MAP3K14: variants seen among roughly 807,000 people sequenced by gnomAD.
The protein encoded by MAP3K14 is mitogen-activated protein kinase kinase kinase 14.
In MAP3K14, 16 loss-of-function variants were observed where a neutral mutation model predicts 99.2. The observed-to-expected ratio is 0.16, with a 90% CI of 0.11 to 0.24. The LOEUF (loss-of-function observed/expected upper bound fraction) is 0.24. Ranked by LOEUF, MAP3K14 falls within the 10% of genes least tolerant of loss-of-function variation. The pLI is 1.00. For missense variants in MAP3K14, 784 were observed against 1,208.7 expected, an observed-to-expected ratio of 0.65 and a Z score of 5.21; for synonymous variants, 462 against 492.4, an observed-to-expected ratio of 0.94 and a Z score of 0.82.
chr17:45,310,267 C>T (rs1335185471), intron 1 of MAP3K14, among the ~76,000 whole-genome samples: 1 of 151,996 alleles, frequency 6.6e-6, no homozygotes, highest in Non-Finnish European at 1.5e-5. Flanking sequence ...ATCTCTTGAC[C>T]TTGTGATCCG....
chr17:45,284,563 C>T (rs1466054158), intron 6 of MAP3K14, among the ~76,000 whole-genome samples: 1 of 152,214 alleles, frequency 6.6e-6, no homozygotes, highest in Admixed American at 6.5e-5. Flanking sequence ...ATTGAGACAC[C>T]GAGGCCACGT....
intron 11 of MAP3K14, among the ~76,000 whole-genome samples, chr17:45,269,993 G>A (rs2044129694): frequency 6.6e-6 from 1 of 152,086 alleles, no homozygotes; most frequent in African/African-American, 2.4e-5. Context: ...CTTGGGGATC[G>A]AGCCCTCCTG....
chr17:45,284,755 C>T, intron 6 of MAP3K14, 57 bp downstream of exon 6: 1 of 1,524,532 alleles, frequency 6.6e-7, no homozygotes, highest in African/African-American at 1.4e-5. Context: ...GCAGAGGGAA[C>T]ACACCAGGCC....
chr17:45,289,338 A>T (rs1348249122), intron 2 of MAP3K14, 33 bp from the exon 3 acceptor site: 2 of 1,573,202 alleles, frequency 1.3e-6, no homozygotes, highest in African/African-American at 2.7e-5. Flanking sequence ...AGCAGAGAGG[A>T]GAAAAAATAG....
chr17:45,283,665 A>AAC (rs1409523968), intron 6 of MAP3K14, among the ~76,000 whole-genome samples: 1 of 152,150 alleles, frequency 6.6e-6, no homozygotes, highest in Non-Finnish European at 1.5e-5. Context: ...TGGTGCTCCA[A>AAC]AAGTTTTGGA....
At chr17:45,273,737 T>A in intron 8 of MAP3K14, 130 bp from the exon 9 acceptor site, 1 of 739,186 alleles carries the variant, frequency 1.4e-6, no homozygotes, top group Non-Finnish European at 2.4e-6. Context: ...CTGCTGCTTC[T>A]GATTAGTTTC....
chr17:45,283,195 C>T (rs1023522499), intron 6 of MAP3K14, among the ~76,000 whole-genome samples: 2 of 152,180 alleles, frequency 1.3e-5, no homozygotes, highest in Non-Finnish European at 1.5e-5. Flanking sequence ...GCACTGGGTG[C>T]GCGTCTCTTC....
intron 6 of MAP3K14, among the ~76,000 whole-genome samples, chr17:45,283,876 G>A (rs1277021943): frequency 2.0e-5 from 3 of 152,188 alleles, no homozygotes; most frequent in African/African-American, 7.2e-5. Context: ...CTTTGAGGCC[G>A]AGAGCTTTGA....
At chr17:45,281,640 C>CTTTTTTTTT (rs36123440) in intron 6 of MAP3K14, 2 of 97,128 alleles carry the variant, frequency 2.1e-5, no homozygotes, top group Non-Finnish European at 4.0e-5. Context: ...GATCTTACTT[C>CTTTTTTTTT]TTTTTTTTTT....
intron 1 of MAP3K14, among the ~76,000 whole-genome samples, chr17:45,296,262 C>T (rs574115047): frequency 1.2e-3 from 178 of 152,240 alleles, no homozygotes; most frequent in African/African-American, 3.5e-3. Flanking sequence ...CGGTGGCTCA[C>T]GCCTGTAATC....
intron 1 of MAP3K14, among the ~76,000 whole-genome samples, chr17:45,297,809 T>G (rs1391004564): frequency 6.6e-6 from 1 of 151,080 alleles, no homozygotes; most frequent in African/African-American, 2.4e-5. Context: ...AACCTCAGCA[T>G]TCTGGTTCAA....
intron 6 of MAP3K14, among the ~76,000 whole-genome samples, chr17:45,277,828 T>C (rs2044191768): frequency 6.6e-6 from 1 of 152,196 alleles, no homozygotes; most frequent in Admixed American, 6.5e-5. Flanking sequence ...TGTATCTCTA[T>C]GAAGCTATGT....
At chr17:45,308,195 G>A (rs1451559221) in intron 1 of MAP3K14, among the ~76,000 whole-genome samples, 1 of 152,222 alleles carries the variant, frequency 6.6e-6, no homozygotes, top group Non-Finnish European at 1.5e-5. Context: ...TTGGATTCAA[G>A]TCTTGTACTT....
At chr17:45,291,997 G>T (rs996213281) in intron 1 of MAP3K14, among the ~76,000 whole-genome samples, 2 of 152,268 alleles carry the variant, frequency 1.3e-5, no homozygotes, top group African/African-American at 2.4e-5. Context: ...ATGGTGGGAA[G>T]CTGAGGTACT....
chr17:45,303,824 C>T (rs1272730928), intron 1 of MAP3K14, among the ~76,000 whole-genome samples: 1 of 151,092 alleles, frequency 6.6e-6, no homozygotes, highest in Non-Finnish European at 1.5e-5. Flanking sequence ...CCTCGTGATC[C>T]AGCCGCCTCG....
intron 1 of MAP3K14, among the ~76,000 whole-genome samples, chr17:45,296,057 G>T (rs1286578599): frequency 6.6e-6 from 1 of 152,208 alleles, no homozygotes; most frequent in Non-Finnish European, 1.5e-5. Flanking sequence ...ATTTCATCTG[G>T]AAGTAAAAAC....
chr17:45,310,280 C>T (rs891004803), intron 1 of MAP3K14, among the ~76,000 whole-genome samples: 1 of 151,950 alleles, frequency 6.6e-6, no homozygotes, highest in Non-Finnish European at 1.5e-5. Context: ...GTGATCCGCC[C>T]GCCTCAGCCT....
chr17:45,279,172 C>T (rs752089915), intron 6 of MAP3K14, among the ~76,000 whole-genome samples: 12 of 152,220 alleles, frequency 7.9e-5, no homozygotes, highest in Non-Finnish European at 1.2e-4. Flanking sequence ...TCTTGTTGCC[C>T]GGGCTGGAGT....
rs1414502053 is a variant in MAP3K14, at chr17:45,267,270, G to C, written c.2327-72C>G. 2 of 1,376,446 alleles carry C rather than the reference G, an allele frequency of 1.5e-6. No individual in the cohort carries two copies. Among genetic ancestry groups the C allele is most frequent in the African/African-American group, 2.9e-5 (2 of 69,608 alleles). The allele number at this position is 1,376,446 out of a possible 1,614,324, so 85.3% of individuals were successfully genotyped here. The stretch of plus-strand genomic sequence containing the variant: ...GGCTGTGTTTTCAGGGGTTCTTCCT[G>C]CACAGTCGGTAGAAGCTGAGCTGCT... On this transcript the variant is annotated intron_variant, in intron 12 of 15. Transcript: ENST00000344686. This position sits in a 1 kb window ranked among gnomAD's most constrained non-coding sequence, Gnocchi z 5.1.
Sources: gnomAD v4.1 joint callset for allele counts (sites outside exome capture counted in the v4.1 genomes callset) on GRCh38, gnomAD v4.1.1 for gene constraint, Gnocchi (gnomAD v3.1) non-coding constraint, MANE v1.5 for transcripts, NCBI Gene and HGNC (gene_info 2026-07-23, HGNC 2026-07-21) for gene names.